Variants in GAS7 observed in about 807,000 individuals in gnomAD.
The protein encoded by GAS7 is growth arrest-specific protein 7.
GAS7 carries 28 observed loss-of-function variants against 71.1 expected under a neutral mutation model. The ratio of observed to expected loss-of-function variants is 0.39; its 90% CI spans 0.29 to 0.54. GAS7 has a LOEUF of 0.54. Among genes scored for constraint, GAS7 ranks in the 20% least tolerant of loss-of-function variants. The probability of loss-of-function intolerance (pLI) is 0.62; values close to 1 mark genes in which losing one functional copy is unlikely to be tolerated. For missense variants in GAS7, 436 were observed against 627.8 expected (o/e 0.69, Z 3.27); for synonymous variants, 258 against 245.8 (o/e 1.05, Z -0.46).
At chr17:10,077,233 A>G (rs148100220) in intron 1 of GAS7, among the ~76,000 whole-genome samples, 121 of 152,364 alleles carry the variant, frequency 7.9e-4, no homozygotes, top group Non-Finnish European at 1.6e-3. Context: ...ACAGTAAACG[A>G]CAATAATCAG....
chr17:9,919,097 T>C lies in GAS7; in HGVS notation c.1218+529A>G, dbSNP rs899492266. Among the ~76,000 whole-genome samples, 2 of 152,188 alleles carry C rather than the reference T, an allele frequency of 1.3e-5. No individual in the cohort carries two copies. The highest frequency in any genetic ancestry group is 2.9e-5 in the Non-Finnish European group (2 of 68,018). On this transcript the variant is annotated intron_variant, in intron 12 of 13. Transcript: ENST00000432992. The surrounding 1 kb of genome is among the most constrained non-coding windows in gnomAD (Gnocchi z 5.0). ...ACTGTCCACTCAGGCAGGTGCTGACTGATAAGGAGATGCTGCCCCTTTACA... is the reference window on the plus strand; with the variant it reads ...ACTGTCCACTCAGGCAGGTGCTGACCGATAAGGAGATGCTGCCCCTTTACA...
At chr17:10,047,833 A>G (rs1203596842) in intron 1 of GAS7, among the ~76,000 whole-genome samples, 1 of 152,216 alleles carries the variant, frequency 6.6e-6, no homozygotes, top group African/African-American at 2.4e-5. Flanking sequence ...GCTAACAGGA[A>G]AAGTGTCCCC....
chr17:10,094,641 T>G (rs898681846), intron 1 of GAS7, among the ~76,000 whole-genome samples: 6 of 151,944 alleles, frequency 3.9e-5, no homozygotes, highest in Non-Finnish European at 8.8e-5. Context: ...ACTAATTTTT[T>G]GTATTTTTAG....
intron 1 of GAS7, among the ~76,000 whole-genome samples, chr17:10,116,059 C>T (rs1405274604): frequency 6.6e-6 from 1 of 152,134 alleles, no homozygotes; most frequent in Non-Finnish European, 1.5e-5. Flanking sequence ...GACTGTAATC[C>T]CAGCACTTTG....
chr17:10,046,928 A>AG lies in GAS7; in HGVS notation c.184-27032dup, dbSNP rs547068922. 1.3e-4 allele frequency among the ~76,000 whole-genome samples: 20 copies of AG among 149,070 alleles called. No individual in the cohort carries two copies. The East Asian group carries it at 3.6e-3, about 26-fold the overall frequency. On this transcript the variant is annotated intron_variant, in intron 1 of 13. Transcript: ENST00000432992. ...CTTGCAAACCAAGATGAGTTGTAAA[A>AG]GGGGAAATAAGACTTCACACCTTCA...
intron 1 of GAS7, among the ~76,000 whole-genome samples, chr17:10,135,315 C>T (rs1035672375): frequency 6.6e-6 from 1 of 152,118 alleles, no homozygotes; most frequent in African/African-American, 2.4e-5. Context: ...AAGCTGCTTC[C>T]ACCCTGCCTC....
chr17:10,172,197 A>T (rs2953453), intron 1 of GAS7, among the ~76,000 whole-genome samples: 8 of 151,990 alleles, frequency 5.3e-5, no homozygotes, highest in South Asian at 2.1e-4. Flanking sequence ...TATGTGTAAA[A>T]GAAGTCTCTA....
At chr17:9,962,274 C>T (rs1425767626) in intron 4 of GAS7, among the ~76,000 whole-genome samples, 3 of 144,956 alleles carry the variant, frequency 2.1e-5, no homozygotes, top group African/African-American at 7.8e-5. Flanking sequence ...ACACGTGACA[C>T]ACACACTATC....
intron 5 of GAS7, among the ~76,000 whole-genome samples, chr17:9,952,159 C>T (rs138431237): frequency 6.6e-6 from 1 of 152,176 alleles, no homozygotes; most frequent in Non-Finnish European, 1.5e-5. Context: ...CTGGGTCCCA[C>T]CCCCCACTGT....
intron 1 of GAS7, among the ~76,000 whole-genome samples, chr17:10,098,208 G>T (rs938087451): frequency 6.6e-6 from 1 of 152,162 alleles, no homozygotes; most frequent in Non-Finnish European, 1.5e-5. Flanking sequence ...AATAAAGAGT[G>T]AGCTGGAGCC....
chr17:10,138,659 C>T (rs1054774480), intron 1 of GAS7, among the ~76,000 whole-genome samples: 3 of 151,944 alleles, frequency 2.0e-5, no homozygotes, highest in Non-Finnish European at 4.4e-5. Flanking sequence ...CCCAGCTACT[C>T]AGGAGGCTGA....
intron 1 of GAS7, among the ~76,000 whole-genome samples, chr17:10,155,072 T>C (rs2074195256): frequency 6.6e-6 from 1 of 151,962 alleles, no homozygotes; most frequent in Non-Finnish European, 1.5e-5. Context: ...TGGAGTGCAG[T>C]GGCACGATCT....
intron 1 of GAS7, among the ~76,000 whole-genome samples, chr17:10,111,095 A>G (rs2073807199): frequency 6.6e-6 from 1 of 152,118 alleles, no homozygotes; most frequent in Non-Finnish European, 1.5e-5. Context: ...GTGTACATCT[A>G]TGGATATCAA....
intron 2 of GAS7, among the ~76,000 whole-genome samples, chr17:10,010,024 G>T (rs1271206094): frequency 8.5e-5 from 13 of 152,148 alleles, no homozygotes; most frequent in Non-Finnish European, 1.5e-5. Context: ...AAAAAGAAAA[G>T]ATTAGAAGAC....
chr17:10,002,296 C>T (rs1049984285), intron 2 of GAS7, among the ~76,000 whole-genome samples: 2 of 152,160 alleles, frequency 1.3e-5, no homozygotes, highest in African/African-American at 4.8e-5. Flanking sequence ...TCTCCCTGTG[C>T]CTTCGCAGCG....
rs535747462 is a variant in GAS7 at position 10,139,668 on chromosome 17, A to G, written c.183+58540T>C. On this transcript the variant is annotated intron_variant, in intron 1 of 13. Transcript: ENST00000432992. ...TGTGATGGCTTTCTACTGTGTCAAC[A>G]TGGCTAGGCTGAACTTCAGTTCCCA... Among the ~76,000 whole-genome samples, 13 of 152,346 alleles carry G rather than the reference A, an allele frequency of 8.5e-5. No individual in the cohort carries two copies. In the South Asian group the frequency reaches 2.3e-3, roughly 27 times the overall value.
chr17:9,990,348 A>G (rs1476118658), intron 2 of GAS7, among the ~76,000 whole-genome samples: 2 of 152,230 alleles, frequency 1.3e-5, no homozygotes, highest in African/African-American at 4.8e-5. Context: ...GCTCTGCACA[A>G]TATGGCTGCT....
chr17:10,169,570 T>C (rs1320368812), intron 1 of GAS7, among the ~76,000 whole-genome samples: 2 of 152,300 alleles, frequency 1.3e-5, no homozygotes, highest in South Asian at 4.1e-4. Context: ...GATGACTCCA[T>C]GGCTGCCTTC....
chr17:10,154,800 C>A (rs776064736), intron 1 of GAS7, among the ~76,000 whole-genome samples: 2 of 152,260 alleles, frequency 1.3e-5, no homozygotes, highest in Non-Finnish European at 1.5e-5. Context: ...CTAGAAAACA[C>A]CTTCACTATA....
Sources: gnomAD v4.1 joint callset for allele counts (sites outside exome capture counted in the v4.1 genomes callset) on GRCh38, gnomAD v4.1.1 for gene constraint, Gnocchi (gnomAD v3.1) non-coding constraint, MANE v1.5 for transcripts, NCBI Gene and HGNC (gene_info 2026-07-23, HGNC 2026-07-21) for gene names.